ARHGEF33: variants seen among roughly 807,000 people sequenced by gnomAD.
The protein encoded by ARHGEF33 is DH and coiled-coil domain-containing protein ENSP00000381780.
In ARHGEF33, 72 loss-of-function variants were observed where a neutral mutation model predicts 101.9. The ratio of observed to expected loss-of-function variants is 0.71; its 90% CI spans 0.58 to 0.86. The LOEUF (loss-of-function observed/expected upper bound fraction) is 0.86. Among genes scored for constraint, ARHGEF33 ranks in the 40% least tolerant of loss-of-function variants. The pLI, the probability that ARHGEF33 is intolerant of heterozygous loss-of-function variation, is 0.00. For synonymous variants in ARHGEF33, 499 were observed against 442.5 expected (o/e 1.13, Z -1.60); for missense variants, 1,169 against 1,111.3 (o/e 1.05, Z -0.74).
rs1174879773 is a variant in ARHGEF33 at position 38,960,409 on chromosome 2, G to C, written c.2104G>C (p.Ala702Pro). ...LEAAAQAHGK[A>P]KPLSRSLKEF... Reference sequence around the variant, plus strand: ...GGCGGCGGCGCAGGCGCACGGCAAGGCCAAGCCGCTGAGCCGCTCTCTCAA... The same window carrying C: ...GGCGGCGGCGCAGGCGCACGGCAAGCCCAAGCCGCTGAGCCGCTCTCTCAA... Residue 702 changes from alanine (A) to proline (P), a missense_variant, in exon 16 of 18, where the codon GCC becomes CCC. Coordinates refer to ENST00000409978, the MANE Select transcript of ARHGEF33 (RefSeq NM_001145451.5). 1 of 1,513,302 alleles carries C rather than the reference G, an allele frequency of 6.6e-7. No homozygotes were observed. The highest frequency in any genetic ancestry group is 1.2e-5 in the South Asian group (1 of 80,504). The allele number at this position is 1,513,302 out of a possible 1,614,324, so 93.7% of individuals were successfully genotyped here. A position where few individuals can be genotyped will look rare whatever the true frequency, so the allele number is the denominator to read the frequency against.
intron 1 of ARHGEF33, 54 bp downstream of exon 1, chr2:38,890,040 A>G: frequency 2.6e-6 from 1 of 389,392 alleles, no homozygotes; most frequent in Non-Finnish European, 5.4e-6. Flanking sequence ...AAACAATTTT[A>G]TAAGAGATGA....
intron 2 of ARHGEF33, among the ~76,000 whole-genome samples, chr2:38,908,140 A>G (rs551628098): frequency 4.6e-5 from 7 of 152,280 alleles, no homozygotes; most frequent in African/African-American, 1.7e-4. Flanking sequence ...GCTGAAAGTT[A>G]TAGGCTTGAG....
intron 8 of ARHGEF33, among the ~76,000 whole-genome samples, chr2:38,936,180 G>T (rs1190116194): frequency 6.6e-6 from 1 of 152,124 alleles, no homozygotes; most frequent in African/African-American, 2.4e-5. Flanking sequence ...TAATTCAAAA[G>T]TTACCTACTT....
intron 2 of ARHGEF33, among the ~76,000 whole-genome samples, chr2:38,907,787 CT>C (rs1226296595): frequency 6.6e-6 from 1 of 151,660 alleles, no homozygotes; most frequent in Non-Finnish European, 1.5e-5. Context: ...GTGACAGTCA[CT>C]TTATTGTCTT....
At chr2:38,958,316 T>C in intron 15 of ARHGEF33, 118 bp downstream of exon 15, 3 of 1,304,652 alleles carry the variant, frequency 2.3e-6, no homozygotes, top group Admixed American at 4.9e-5. Flanking sequence ...GGCCTATATG[T>C]GCCAACCAAG....
chr2:38,915,188 C>G (rs926654922), intron 2 of ARHGEF33, among the ~76,000 whole-genome samples: 2 of 151,666 alleles, frequency 1.3e-5, no homozygotes, highest in East Asian at 3.9e-4. Context: ...AATGTTTATG[C>G]TATAATATAG....
At chr2:38,958,988 G>A (rs577102829) in intron 15 of ARHGEF33, among the ~76,000 whole-genome samples, 4 of 152,314 alleles carry the variant, frequency 2.6e-5, no homozygotes, top group South Asian at 2.1e-4. Context: ...CAGGCGATCC[G>A]TCTGCCTCGG....
rs565475896 is a variant in ARHGEF33, at chr2:38,951,967, T to C, written c.1053+846T>C. ...TGAGTGAAGTGAACACAGTATGGAC[T>C]GGTGTGAAGTGTGAGCTGCAGTGGA... On this transcript the variant is annotated intron_variant, in intron 11 of 17. Coordinates refer to ENST00000409978, the MANE Select transcript of ARHGEF33 (RefSeq NM_001145451.5). 9.2e-5 allele frequency among the ~76,000 whole-genome samples: 14 copies of C among 152,332 alleles called. No homozygotes were observed. In the South Asian group the frequency reaches 2.1e-3, roughly 23 times the overall value.
At chr2:38,920,914 T>G (rs887175593) in intron 3 of ARHGEF33, among the ~76,000 whole-genome samples, 1 of 152,114 alleles carries the variant, frequency 6.6e-6, no homozygotes, top group Non-Finnish European at 1.5e-5. Context: ...AGTTCAGAAG[T>G]CTGTCAAAGA....
chr2:38,945,846 T>C (rs1378590379), intron 10 of ARHGEF33, among the ~76,000 whole-genome samples: 2 of 152,208 alleles, frequency 1.3e-5, no homozygotes, highest in Non-Finnish European at 2.9e-5. Flanking sequence ...CAGAACCCTG[T>C]GACCCCTACC....
chr2:38,944,427 T>C (rs933924495), intron 10 of ARHGEF33, among the ~76,000 whole-genome samples: 3 of 152,074 alleles, frequency 2.0e-5, no homozygotes, highest in Non-Finnish European at 4.4e-5. Context: ...GTAGTGGCAA[T>C]AATCCATTCA....
chr2:38,902,115 G>A (rs1666258170), intron 2 of ARHGEF33, among the ~76,000 whole-genome samples: 1 of 142,960 alleles, frequency 7.0e-6, no homozygotes. Context: ...CTGGGTGACA[G>A]AGCAAGACTC....
In ARHGEF33 at chr2:38,939,606, C is replaced by G. The variant is rs143508671; in HGVS notation, c.790+2047C>G. Among the ~76,000 whole-genome samples, 887 of 152,228 alleles carry G rather than the reference C, an allele frequency of 5.8e-3. 8 individuals carry two copies. The highest frequency in any genetic ancestry group is 0.02 in the African/African-American group (837 of 41,528). ...TTAGTATTAAGTATGTTTTTATATGCTTATTAGCTATTCATATATTCTTCT... is the reference window on the plus strand; with the variant it reads ...TTAGTATTAAGTATGTTTTTATATGGTTATTAGCTATTCATATATTCTTCT... On this transcript the variant is annotated intron_variant, in intron 9 of 17. Coordinates refer to ENST00000409978, the MANE Select transcript of ARHGEF33 (RefSeq NM_001145451.5).
intron 2 of ARHGEF33, among the ~76,000 whole-genome samples, chr2:38,917,154 T>G (rs1350426010): frequency 7.4e-6 from 1 of 135,810 alleles, no homozygotes; most frequent in Non-Finnish European, 1.5e-5. Context: ...TGTAGTGGTG[T>G]GATCTCAGCT....
At chr2:38,914,598 C>T (rs1339459577) in intron 2 of ARHGEF33, among the ~76,000 whole-genome samples, 1 of 144,798 alleles carries the variant, frequency 6.9e-6, no homozygotes, top group African/African-American at 2.6e-5. Flanking sequence ...AACCGGGAGG[C>T]GGAGGTTGCA....
At chr2:38,897,449 G>A (rs1315225096) in intron 2 of ARHGEF33, among the ~76,000 whole-genome samples, 1 of 152,110 alleles carries the variant, frequency 6.6e-6, no homozygotes, top group African/African-American at 2.4e-5. Flanking sequence ...TCTATCTGTA[G>A]AAACTCAAAG....
intron 2 of ARHGEF33, among the ~76,000 whole-genome samples, chr2:38,906,988 G>A (rs1666406727): frequency 6.6e-6 from 1 of 151,946 alleles, no homozygotes; most frequent in South Asian, 2.1e-4. Flanking sequence ...GAGGAGAGTT[G>A]ACAGATGACA....
At chr2:38,920,958 A>G (rs1038467958) in intron 3 of ARHGEF33, among the ~76,000 whole-genome samples, 9 of 152,100 alleles carry the variant, frequency 5.9e-5, no homozygotes, top group Non-Finnish European at 1.2e-4. Context: ...TATTTTATGC[A>G]AGCTCGCTGA....
At chr2:38,950,948 T>C in intron 10 of ARHGEF33, 41 bp from the exon 11 acceptor site, 1 of 1,544,276 alleles carries the variant, frequency 6.5e-7, no homozygotes, top group Non-Finnish European at 8.7e-7. Context: ...CTTTCTTCTC[T>C]ACACCTTGTT....
Sources: allele counts gnomAD v4.1 joint callset (sites outside exome capture counted in the v4.1 genomes callset), GRCh38; gene constraint gnomAD v4.1.1; transcripts MANE v1.5; gene names NCBI Gene and HGNC (gene_info 2026-07-23, HGNC 2026-07-21).